Variants in WASL observed in about 807,000 individuals in gnomAD.
WASL encodes the protein WASP like actin nucleation promoting factor, also known as actin nucleation-promoting factor WASL.
A neutral mutation model predicts 55.5 loss-of-function variants in WASL; 20 were observed. That is an observed-to-expected ratio of 0.36 (90% confidence interval 0.25 to 0.52). WASL has a LOEUF of 0.52. Ranked by LOEUF, WASL falls within the 20% of genes least tolerant of loss-of-function variation. WASL has a pLI of 0.92. For missense variants in WASL, 504 were observed against 622.5 expected, an observed-to-expected ratio of 0.81 and a Z score of 2.03; for synonymous variants, 249 against 217.6, an observed-to-expected ratio of 1.14 and a Z score of -1.27.
intron 7 of WASL, among the ~76,000 whole-genome samples, chr7:123,695,193 A>C (rs764955211): frequency 6.6e-6 from 1 of 152,206 alleles, no homozygotes; most frequent in African/African-American, 2.4e-5. Flanking sequence ...ACACAAAAAA[A>C]GTAAATTAAT....
intron 1 of WASL, among the ~76,000 whole-genome samples, chr7:123,711,097 C>T (rs938590673): frequency 6.6e-6 from 1 of 152,076 alleles, no homozygotes; most frequent in Admixed American, 6.6e-5. Context: ...CTCCCTACTT[C>T]GCTTTTTACC....
At chr7:123,740,402 C>T (rs1804318961) in intron 1 of WASL, among the ~76,000 whole-genome samples, 2 of 152,104 alleles carry the variant, frequency 1.3e-5, no homozygotes, top group African/African-American at 2.4e-5. Flanking sequence ...GCTATTATAT[C>T]AGTATAACTC....
chr7:123,706,752 G>T lies in WASL; in HGVS notation c.327C>A (p.Thr109=). 2 of 1,569,066 alleles carry T rather than the reference G, an allele frequency of 1.3e-6. No individual in the cohort carries two copies. The highest frequency in any genetic ancestry group is 1.2e-5 in the South Asian group (1 of 81,828). The stretch of plus-strand genomic sequence containing the variant: ...AAATATGACTTACATCTCCAGCAAA[G>T]GTATGAAAATATCCTCTAGGACTAT... ...VYNSPRGYFH[T]FAGDTCQVAL... is the part of the protein sequence containing the mutation. The change falls in exon 3 of 11, where the codon ACC becomes ACA. Residue 109 remains threonine (T), a synonymous_variant. Coordinates refer to ENST00000223023, the MANE Select transcript of WASL (RefSeq NM_003941.4).
intron 1 of WASL, among the ~76,000 whole-genome samples, chr7:123,724,937 G>A (rs1804016633): frequency 6.6e-6 from 1 of 151,698 alleles, no homozygotes; most frequent in South Asian, 2.1e-4. Context: ...GAGTTTGGGG[G>A]CAAAAAAAAG....
rs1240471597 is a variant in WASL at position 123,709,220 on chromosome 7, T to C, written c.121A>G (p.Met41Val). ...FTFLGKKCVT[M>V]SSAVVQLYAA... ...TATAACTGCACCACTGCTGAAGACA[T>C]AGTCTGCAAAATATAAAATTTATAA... Residue 41 changes from methionine (M) to valine (V), a missense_variant, in exon 2 of 11, where the codon ATG becomes GTG. Physicochemically the swap from Met to Val is conservative, Grantham distance 21. Coordinates refer to ENST00000223023, the MANE Select transcript of WASL (RefSeq NM_003941.4). 16 of 1,601,954 alleles carry C rather than the reference T, an allele frequency of 1.0e-5. No individual in the cohort carries two copies. The highest frequency in any genetic ancestry group is 1.7e-5 in the Admixed American group (1 of 58,254).
At chr7:123,702,204 C>T (rs984142876) in intron 5 of WASL, among the ~76,000 whole-genome samples, 2 of 151,862 alleles carry the variant, frequency 1.3e-5, no homozygotes, top group Non-Finnish European at 2.9e-5. Flanking sequence ...TACAGACATG[C>T]GCCACCATGC....
At chr7:123,743,398 T>C (rs1337529721) in intron 1 of WASL, among the ~76,000 whole-genome samples, 1 of 151,664 alleles carries the variant, frequency 6.6e-6, no homozygotes, top group Non-Finnish European at 1.5e-5. Flanking sequence ...GAGCATGGAC[T>C]AAAATTCAGG....
chr7:123,748,744 G>C lies in WASL; in HGVS notation c.-10C>G, dbSNP rs918449035. 6.4e-7 allele frequency: 1 copy of C among 1,571,200 alleles called. No homozygotes were observed. The highest frequency in any genetic ancestry group is 8.6e-7 in the Non-Finnish European group (1 of 1,160,190). On this transcript the variant is annotated 5_prime_UTR_variant, in exon 1 of 11. Transcript: ENST00000223023. ...GCTGGACGGAGCTCATGGTTTCGCC[G>C]GCGGGGTTGGGAGTCCAGGGCCGTC...
At chr7:123,696,248 G>A (rs1052790138) in intron 6 of WASL, among the ~76,000 whole-genome samples, 4 of 152,020 alleles carry the variant, frequency 2.6e-5, no homozygotes, top group Admixed American at 6.5e-5. Flanking sequence ...CCCCTAGGCA[G>A]TATCTGTAAA....
At chr7:123,745,570 T>C (rs1398707151) in intron 1 of WASL, among the ~76,000 whole-genome samples, 1 of 152,180 alleles carries the variant, frequency 6.6e-6, no homozygotes, top group Non-Finnish European at 1.5e-5. Flanking sequence ...GATTATCCTA[T>C]CAGACAACGT....
At chr7:123,737,572 G>A (rs1804257427) in intron 1 of WASL, among the ~76,000 whole-genome samples, 1 of 131,272 alleles carries the variant, frequency 7.6e-6, no homozygotes, top group Non-Finnish European at 1.5e-5. Flanking sequence ...TCCAGTCTGG[G>A]TGACAGAGCA....
At chr7:123,720,190 T>C (rs1049509583) in intron 1 of WASL, 1 of 381,232 alleles carries the variant, frequency 2.6e-6, no homozygotes, top group African/African-American at 2.1e-5. Flanking sequence ...CACTTTACAA[T>C]GACTTCTATC....
At chr7:123,724,801 A>G (rs1294505203) in intron 1 of WASL, among the ~76,000 whole-genome samples, 6 of 152,160 alleles carry the variant, frequency 3.9e-5, no homozygotes, top group African/African-American at 1.4e-4. Flanking sequence ...TTGGCACTTC[A>G]TAACTAATCA....
At chr7:123,720,503 T>C (rs541913050) in intron 1 of WASL, among the ~76,000 whole-genome samples, 116 of 152,338 alleles carry the variant, frequency 7.6e-4, no homozygotes, top group Middle Eastern at 3.4e-3. Context: ...TGCCTATGTA[T>C]GCACAGAACC....
At chr7:123,710,965 A>G (rs187168669) in intron 1 of WASL, among the ~76,000 whole-genome samples, 1 of 152,296 alleles carries the variant, frequency 6.6e-6, no homozygotes, top group East Asian at 1.9e-4. Flanking sequence ...CAAACAAGCA[A>G]TTTGTTAGTT....
intron 1 of WASL, among the ~76,000 whole-genome samples, chr7:123,739,914 G>GTGTA (rs1214094701): frequency 8.3e-3 from 273 of 33,054 alleles, no homozygotes; most frequent in Non-Finnish European, 0.013. Context: ...GTGTGTGTGT[G>GTGTA]TATATATATA....
At chr7:123,723,711 C>T (rs1273787310) in intron 1 of WASL, among the ~76,000 whole-genome samples, 1 of 152,168 alleles carries the variant, frequency 6.6e-6, no homozygotes, top group Admixed American at 6.5e-5. Flanking sequence ...GAAGGAGAGG[C>T]TTGGAGTTCA....
chr7:123,743,722 T>C (rs1199062431), intron 1 of WASL, among the ~76,000 whole-genome samples: 1 of 152,244 alleles, frequency 6.6e-6, no homozygotes, highest in African/African-American at 2.4e-5. Flanking sequence ...TCATGGACTC[T>C]AAGTATTTTC....
intron 1 of WASL, among the ~76,000 whole-genome samples, chr7:123,720,003 T>C (rs1803913643): frequency 6.6e-6 from 1 of 152,150 alleles, no homozygotes; most frequent in Non-Finnish European, 1.5e-5. Context: ...TTAGGTCTTC[T>C]CAGCAGACTG....
Sources: allele counts gnomAD v4.1 joint callset (sites outside exome capture counted in the v4.1 genomes callset), GRCh38; gene constraint gnomAD v4.1.1; transcripts MANE v1.5; gene names NCBI Gene and HGNC (gene_info 2026-07-23, HGNC 2026-07-21).